The following PKD2L1 variants were observed in gnomAD, a reference collection of about 807,000 sequenced individuals.
The protein encoded by PKD2L1 is polycystin 2 like 1, transient receptor potential cation channel.
PKD2L1 carries 77 observed loss-of-function variants against 93.0 expected under a neutral mutation model. The ratio of observed to expected loss-of-function variants is 0.83; its 90% CI spans 0.69 to 1.00. PKD2L1 has a LOEUF of 1.00. PKD2L1 is among the 50% of genes least tolerant of loss of function. The pLI, the probability that PKD2L1 is intolerant of heterozygous loss-of-function variation, is 0.00. For synonymous variants in PKD2L1, 390 were observed against 388.0 expected, an observed-to-expected ratio of 1.01 and a Z score of -0.06; for missense variants, 977 against 990.9, an observed-to-expected ratio of 0.99 and a Z score of 0.19.
chr10:100,314,953 AAG>A (rs1197265009), intron 2 of PKD2L1, among the ~76,000 whole-genome samples: 2 of 54,946 alleles, frequency 3.6e-5, no homozygotes, highest in Non-Finnish European at 7.7e-5. Flanking sequence ...AAAAGAAAGA[AAG>A]AAAGAAAGAA....
chr10:100,291,371 T>C lies in PKD2L1; in HGVS notation c.1937A>G (p.Asp646Gly), dbSNP rs766421135. The C allele has an allele frequency of 1.9e-6, 3 of 1,613,962 alleles. No individual in the cohort carries two copies. The highest frequency in any genetic ancestry group is 2.5e-6 in the Non-Finnish European group (3 of 1,179,958). ...TELTATFTKF[D>G]RDGNRILDEK... ...ATCCAGAATACGATTCCCATCTCTG[T>C]CAAACTTGGTGAAGGTGGCCGTGAG... The change falls in exon 12 of 16, where the codon GAC becomes GGC. Residue 646 changes from aspartate to glycine, a missense_variant. Asp to Gly is a moderately conservative substitution (Grantham distance 94, BLOSUM62 -1). Transcript: ENST00000318222.
At chr10:100,310,769 G>A (rs1294268031) in intron 2 of PKD2L1, among the ~76,000 whole-genome samples, 1 of 152,176 alleles carries the variant, frequency 6.6e-6, no homozygotes. Context: ...GAGTGCAGTG[G>A]CGCAATCTCG....
chr10:100,288,296 T>C lies in PKD2L1; in HGVS notation c.*100A>G. ...TGATTCCCTTCAGGCTCCATTTTTA[T>C]CTCCTGGTTAAAGCCCACTCAGTTT... On this transcript the variant is annotated 3_prime_UTR_variant, in exon 16 of 16. Coordinates refer to ENST00000318222, the MANE Select transcript of PKD2L1 (RefSeq NM_016112.3). 2 of 744,050 alleles carry C rather than the reference T, an allele frequency of 2.7e-6. No homozygotes were observed. The highest frequency in any genetic ancestry group is 1.5e-5 in the South Asian group (1 of 65,532). 46.1% of individuals were successfully genotyped at this position (744,050 alleles called of 1,614,324 possible).
intron 2 of PKD2L1, among the ~76,000 whole-genome samples, chr10:100,300,898 C>T (rs563946807): frequency 7.7e-4 from 117 of 152,148 alleles, no homozygotes; most frequent in African/African-American, 2.6e-3. Context: ...TGCAATGGCA[C>T]GATCTTGGCT....
intron 2 of PKD2L1, among the ~76,000 whole-genome samples, chr10:100,321,320 C>T (rs755863333): frequency 5.9e-5 from 9 of 151,838 alleles, no homozygotes; most frequent in East Asian, 1.9e-4. Context: ...ATTAACCAGG[C>T]GTGGTGGCAC....
In PKD2L1 at chr10:100,291,324, G is replaced by A. The variant is rs745318706; in HGVS notation, c.1984C>T (p.Arg662Ter). 21 of 1,613,648 alleles carry A rather than the reference G, an allele frequency of 1.3e-5. 1 individual carries two copies. In the South Asian group the frequency reaches 1.3e-4, roughly 10 times the overall value. The change falls in exon 12 of 16, where the codon CGA (arginine) becomes TGA (stop). Residue 662 changes from arginine to a stop codon, truncating the protein, a stop_gained. Transcript: ENST00000318222. LOFTEE classifies it high-confidence loss of function. ...ILDEKEQEKMRQDLEEERVAL... is the reference protein window; with the variant it reads ...ILDEKEQEKM The stretch of plus-strand genomic sequence containing the variant: ...ACCCTCTCTTCCTCCAGGTCCTGTC[G>A]CATTTTTTCCTGTTCCTTCTCATCC...
At position 100,310,667 on chromosome 10, in the gene PKD2L1, G is replaced by A. The variant is rs115115582; in HGVS notation, c.350-10949C>T. Among the ~76,000 whole-genome samples, 1,258 of 152,164 alleles carry A rather than the reference G, an allele frequency of 8.3e-3. 16 individuals are homozygous for A. The highest frequency in any genetic ancestry group is 0.029 in the African/African-American group (1,200 of 41,526). ...ATGAGTATTTAATATGAATTTTAAG[G>A]AAGGCAGATATAAAAAAGAGTCAAA... On this transcript the variant is annotated intron_variant, in intron 2 of 15. Coordinates refer to ENST00000318222, the MANE Select transcript of PKD2L1 (RefSeq NM_016112.3).
chr10:100,315,061 G>A (rs1589677393), intron 2 of PKD2L1, among the ~76,000 whole-genome samples: 1 of 16,550 alleles, frequency 6.0e-5, no homozygotes, highest in African/African-American at 2.3e-4. Context: ...GAAGGGAAGG[G>A]AAGGGAAGGG....
intron 2 of PKD2L1, among the ~76,000 whole-genome samples, chr10:100,311,688 T>C (rs931448979): frequency 5.9e-5 from 9 of 152,144 alleles, no homozygotes; most frequent in African/African-American, 2.2e-4. Context: ...ATATGTGATA[T>C]GTGATGGAAC....
At chr10:100,292,233 C>T (rs570163190) in intron 11 of PKD2L1, among the ~76,000 whole-genome samples, 1 of 152,104 alleles carries the variant, frequency 6.6e-6, no homozygotes, top group East Asian at 1.9e-4. Flanking sequence ...TACGTTGTCT[C>T]CTAATCCCAG....
chr10:100,297,296 G>C, intron 5 of PKD2L1, 86 bp downstream of exon 5: 8 of 1,543,172 alleles, frequency 5.2e-6, no homozygotes, highest in Admixed American at 1.7e-5. Context: ...CCACCACAGG[G>C]TAGGAGTTTA....
chr10:100,315,670 G>A (rs1849085821), intron 2 of PKD2L1, among the ~76,000 whole-genome samples: 1 of 152,132 alleles, frequency 6.6e-6, no homozygotes, highest in Non-Finnish European at 1.5e-5. Flanking sequence ...TCTTTGTAGG[G>A]GAAAGGGGGT....
chr10:100,309,023 G>A (rs1387001694), intron 2 of PKD2L1, among the ~76,000 whole-genome samples: 1 of 152,070 alleles, frequency 6.6e-6, no homozygotes, highest in Non-Finnish European at 1.5e-5. Context: ...ACCATATGCT[G>A]ACACAGATAA....
In PKD2L1 at chr10:100,297,094, G is replaced by C; in HGVS notation, c.1071C>G (p.Val357=). The C allele has an allele frequency of 6.2e-7, 1 of 1,614,102 alleles. No individual in the cohort carries two copies. Among genetic ancestry groups the C allele is most frequent in the Non-Finnish European group, 8.5e-7 (1 of 1,179,970 alleles). The stretch of plus-strand genomic sequence containing the variant: ...AGTAGAAGATGAAGACGCAGAAGAT[G>C]ACCTCACAGCCAACGATAAAGAAGT... ...NWDFFIVGCE[V]IFCVFIFYYV... The change falls in exon 6 of 16, where the codon GTC becomes GTG. Residue 357 remains valine, a synonymous_variant. Coordinates refer to ENST00000318222, the MANE Select transcript of PKD2L1 (RefSeq NM_016112.3).
Position 100,299,633 on chromosome 10 carries a change from T to C in PKD2L1, c.435A>G (p.Gly145=). The C allele has an allele frequency of 6.2e-7, 1 of 1,613,720 alleles. No homozygotes were observed. The highest frequency in any genetic ancestry group is 1.3e-5 in the African/African-American group (1 of 75,060). ...TGCTGCTGATGGCCTGAAAGGAGACTCCAGTGTCTGATGGAGTATGTAAGA... is the reference window on the plus strand; with the variant it reads ...TGCTGCTGATGGCCTGAAAGGAGACCCCAGTGTCTGATGGAGTATGTAAGA... ...ELFLHTPSDT[G]VSFQAISSMA... is the part of the protein sequence containing the mutation. The change falls in exon 3 of 16, where the codon GGA becomes GGG. Residue 145 remains glycine, a synonymous_variant. Transcript: ENST00000318222.
At chr10:100,303,224 A>C (rs1373748052) in intron 2 of PKD2L1, among the ~76,000 whole-genome samples, 2 of 108,296 alleles carry the variant, frequency 1.8e-5, no homozygotes, top group Admixed American at 2.5e-4. Context: ...ACGGAGTTTC[A>C]CTCTTGTTGT....
At chr10:100,307,602 G>GTTCCC (rs1848834206) in intron 2 of PKD2L1, among the ~76,000 whole-genome samples, 2 of 152,216 alleles carry the variant, frequency 1.3e-5, no homozygotes, top group Non-Finnish European at 2.9e-5. Context: ...TGAGGTTGCA[G>GTTCCC]TAAGCAGTGA....
intron 2 of PKD2L1, among the ~76,000 whole-genome samples, chr10:100,324,376 T>C (rs901139005): frequency 6.6e-6 from 1 of 152,202 alleles, no homozygotes; most frequent in East Asian, 1.9e-4. Context: ...ATGACAGGTA[T>C]TCACCATACA....
At chr10:100,326,776 G>A (rs1281405834) in intron 2 of PKD2L1, among the ~76,000 whole-genome samples, 1 of 152,210 alleles carries the variant, frequency 6.6e-6, no homozygotes, top group Non-Finnish European at 1.5e-5. Context: ...TAAGCAAATT[G>A]CTTGAGGGCC....
Sources: allele counts gnomAD v4.1 joint callset (sites outside exome capture counted in the v4.1 genomes callset), GRCh38; gene constraint gnomAD v4.1.1; transcripts MANE v1.5; gene names NCBI Gene and HGNC (gene_info 2026-07-23, HGNC 2026-07-21).